The following SAMHD1 variants were observed in gnomAD, a reference collection of about 807,000 sequenced individuals.
The protein encoded by SAMHD1 is SAM and HD domain containing deoxynucleoside triphosphate triphosphohydrolase 1.
In SAMHD1, 54 loss-of-function variants were observed where a neutral mutation model predicts 79.6. The observed-to-expected ratio is 0.68, with a 90% CI of 0.55 to 0.85. SAMHD1 has a LOEUF of 0.85. Among genes scored for constraint, SAMHD1 ranks in the 40% least tolerant of loss-of-function variants. SAMHD1 has a pLI of 0.00. For missense variants in SAMHD1, 663 were observed against 782.7 expected (o/e 0.85, Z 1.82); for synonymous variants, 260 against 264.1 (o/e 0.98, Z 0.15).
intron 13 of SAMHD1, among the ~76,000 whole-genome samples, chr20:36,901,966 A>G (rs937407666): frequency 1.3e-5 from 2 of 152,202 alleles, no homozygotes; most frequent in Non-Finnish European, 2.9e-5. Context: ...TTTCCCCACT[A>G]TAAGAATGGG....
chr20:36,909,497 C>T (rs910255896), intron 11 of SAMHD1, among the ~76,000 whole-genome samples: 28 of 151,582 alleles, frequency 1.8e-4, no homozygotes, highest in Middle Eastern at 3.4e-3. Flanking sequence ...GGTGAAACCC[C>T]GTCTCTAGTA....
chr20:36,939,178 T>C (rs561297951), intron 3 of SAMHD1, among the ~76,000 whole-genome samples: 141 of 125,118 alleles, frequency 1.1e-3, no homozygotes, highest in Middle Eastern at 7.0e-3. Context: ...TGCTTGAATC[T>C]GGGAGGCAGA....
chr20:36,905,171 G>C, intron 12 of SAMHD1, 193 bp downstream of exon 12: 1 of 620,334 alleles, frequency 1.6e-6, no homozygotes, highest in Non-Finnish European at 2.8e-6. Flanking sequence ...TCATGAGCAA[G>C]TTATTTAATC....
chr20:36,905,441 A>C lies in SAMHD1; in HGVS notation c.1333T>G (p.Leu445Val). ...DPKLKDAREI[L>V]KQIEYRNLFK... The stretch of plus-strand genomic sequence containing the variant: ...AGATTACGGTATTCAATTTGTTTTA[A>C]AATCTCTCGTGCGTCTTTCAATTTG... Residue 445 changes from leucine (L) to valine (V), a missense_variant, in exon 12 of 16, where the codon TTA becomes GTA. Physicochemically the swap from Leu to Val is conservative, Grantham distance 32. Coordinates refer to ENST00000646673, the MANE Select transcript of SAMHD1 (RefSeq NM_015474.4). The C allele has an allele frequency of 1.2e-6, 2 of 1,613,876 alleles. No homozygotes were observed. The highest frequency in any genetic ancestry group is 1.7e-6 in the Non-Finnish European group (2 of 1,179,784).
rs963232299 is a variant in SAMHD1 at position 36,933,362 on chromosome 20, G to A, written c.509+1667C>T. On this transcript the variant is annotated intron_variant, in intron 4 of 15. Coordinates refer to ENST00000646673, the MANE Select transcript of SAMHD1 (RefSeq NM_015474.4). ...GATTATGAATGCTTTTTTAACTTAC[G>A]CATTTCCTGACAGGTAAGAAAATGA... 2.6e-5 allele frequency among the ~76,000 whole-genome samples: 4 copies of A among 152,112 alleles called. No homozygotes were observed. The East Asian group carries it at 7.7e-4, about 29-fold the overall frequency.
At chr20:36,927,528 G>A (rs1214114799) in intron 5 of SAMHD1, among the ~76,000 whole-genome samples, 1 of 151,888 alleles carries the variant, frequency 6.6e-6, no homozygotes, top group Non-Finnish European at 1.5e-5. Context: ...CGTTGGTCAG[G>A]CTGGTCTCGA....
intron 7 of SAMHD1, chr20:36,917,336 T>A (rs764355532): frequency 1.6e-5 from 6 of 370,760 alleles, no homozygotes; most frequent in Middle Eastern, 8.3e-4. Context: ...TTTTGTGTTT[T>A]CTTGGTTTAT....
intron 13 of SAMHD1, among the ~76,000 whole-genome samples, chr20:36,898,849 T>C (rs980537583): frequency 7.5e-5 from 11 of 146,194 alleles, no homozygotes; most frequent in African/African-American, 2.3e-4. Context: ...GAGATGGAGG[T>C]TGCAGTGAGC....
At position 36,890,396 on chromosome 20, in the gene SAMHD1, C is replaced by CTCTTTCTTTCTTTCTTTTCTTTCTT. The variant is rs1555830159; in HGVS notation, c.*2535_*2536insAAGAAAGAAAAGAAAGAAAGAAAGA. ...ATACAAATAGCAAAGATATTTCTTT[C>CTCTTTCTTTCTTTCTTTTCTTTCTT]TCTTTCTTTCTTTCTTTCTTTCTTT... On this transcript the variant is annotated 3_prime_UTR_variant, in exon 16 of 16. Coordinates refer to ENST00000646673, the MANE Select transcript of SAMHD1 (RefSeq NM_015474.4). 2 of 142,450 alleles carry CTCTTTCTTTCTTTCTTTTCTTTCTT rather than the reference C, an allele frequency of 1.4e-5. No individual in the cohort carries two copies. The highest frequency in any genetic ancestry group is 5.2e-5 in the African/African-American group (2 of 38,770). 8.8% of individuals were successfully genotyped at this position (142,450 alleles called of 1,614,324 possible).
chr20:36,948,271 G>A (rs4133003), intron 1 of SAMHD1, among the ~76,000 whole-genome samples: 1,972 of 150,548 alleles, frequency 0.013, 136 homozygotes, highest in Admixed American at 0.11. Flanking sequence ...TTTCTTTTCC[G>A]AGATGGAGTC....
At chr20:36,915,217 A>T (rs1160383015) in intron 9 of SAMHD1, among the ~76,000 whole-genome samples, 1 of 151,956 alleles carries the variant, frequency 6.6e-6, no homozygotes, top group Non-Finnish European at 1.5e-5. Context: ...ATAGGCCTGT[A>T]GTCCCAGCTA....
chr20:36,893,181 G>C lies in SAMHD1; in HGVS notation c.1747-115C>G, dbSNP rs1041748449. On this transcript the variant is annotated intron_variant, in intron 15 of 15. Coordinates refer to ENST00000646673, the MANE Select transcript of SAMHD1 (RefSeq NM_015474.4). ...TCATCTTGCATATAGATTGCTTCTA[G>C]CTGTCCTCAATCCAGGGAAACTCCA... 4 of 1,321,700 alleles carry C rather than the reference G, an allele frequency of 3.0e-6. No individual in the cohort carries two copies. The African/African-American group carries it at 5.8e-5, about 19-fold the overall frequency. 81.9% of individuals were successfully genotyped at this position (1,321,700 alleles called of 1,614,324 possible). A position where few individuals can be genotyped will look rare whatever the true frequency, so the allele number is the denominator to read the frequency against.
chr20:36,910,730 C>CAA (rs397777434), intron 11 of SAMHD1, among the ~76,000 whole-genome samples: 35 of 118,136 alleles, frequency 3.0e-4, no homozygotes, highest in Admixed American at 5.9e-4. Flanking sequence ...ACTCCATCTC[C>CAA]AAAAAAAAAA....
At chr20:36,916,319 G>C (rs369210541) in intron 9 of SAMHD1, among the ~76,000 whole-genome samples, 1 of 151,396 alleles carries the variant, frequency 6.6e-6, no homozygotes, top group Non-Finnish European at 1.5e-5. Flanking sequence ...GAGTTGATCC[G>C]TCCAAAGCAC....
At chr20:36,927,403 C>T (rs900715122) in intron 5 of SAMHD1, 151 bp from the exon 6 acceptor site, 14 of 676,816 alleles carry the variant, frequency 2.1e-5, no homozygotes, top group African/African-American at 1.3e-4. Flanking sequence ...ACACAATCTC[C>T]GCCCCCTGGG....
chr20:36,905,416 A>G lies in SAMHD1; in HGVS notation c.1358T>C (p.Leu453Pro). The change falls in exon 12 of 16, where the codon CTA becomes CCA. Residue 453 changes from leucine (L) to proline (P), a missense_variant. Transcript: ENST00000646673. The part of the protein sequence containing the change: ...EILKQIEYRN[L>P]FKYVGETQPT... ...CTGCGTCTCACCCACATACTTGAAT[A>G]GATTACGGTATTCAATTTGTTTTAA... 1 of 1,613,978 alleles carries G rather than the reference A, an allele frequency of 6.2e-7. No individual in the cohort carries two copies.
At chr20:36,922,869 G>C (rs2063514530) in intron 6 of SAMHD1, among the ~76,000 whole-genome samples, 1 of 151,860 alleles carries the variant, frequency 6.6e-6, no homozygotes, top group African/African-American at 2.4e-5. Flanking sequence ...GGCTGGTCTT[G>C]AACTCCTGGG....
At chr20:36,938,572 C>T (rs1012973673) in intron 3 of SAMHD1, among the ~76,000 whole-genome samples, 7 of 151,878 alleles carry the variant, frequency 4.6e-5, no homozygotes, top group Non-Finnish European at 1.0e-4. Flanking sequence ...CACGGTGGCA[C>T]GTGCCTGTAA....
chr20:36,927,925 C>CA (rs759304615), intron 5 of SAMHD1, among the ~76,000 whole-genome samples: 38 of 152,308 alleles, frequency 2.5e-4, no homozygotes, highest in South Asian at 6.2e-4. Context: ...CTCCTGACCT[C>CA]AAGTCATCCT....
Sources: gnomAD v4.1 joint callset for allele counts (sites outside exome capture counted in the v4.1 genomes callset) on GRCh38, gnomAD v4.1.1 for gene constraint, MANE v1.5 for transcripts, NCBI Gene and HGNC (gene_info 2026-07-23, HGNC 2026-07-21) for gene names.